PUDP: variants seen among roughly 807,000 people sequenced by gnomAD.
PUDP encodes the protein pseudouridine-5'-phosphatase.
In PUDP, 8 loss-of-function variants were observed where a neutral mutation model predicts 9.4. That is an observed-to-expected ratio of 0.85 (90% confidence interval 0.50 to 1.53). PUDP has a LOEUF of 1.53. Among genes scored for constraint, PUDP ranks in the 40% most tolerant of loss-of-function variants. PUDP has a pLI of 0.00. For synonymous variants in PUDP, 99 were observed against 80.7 expected, an observed-to-expected ratio of 1.23 and a Z score of -1.22; for missense variants, 188 against 189.7, an observed-to-expected ratio of 0.99 and a Z score of 0.05.
intron 3 of PUDP, among the ~76,000 whole-genome samples, chrX:7,062,831 C>T (rs756622847): frequency 9.1e-6 from 1 of 109,859 alleles, no homozygotes; most frequent in East Asian, 2.8e-4. Flanking sequence ...CAGTGCCCCC[C>T]TACCCTAGCA....
intron 1 of PUDP, among the ~76,000 whole-genome samples, chrX:7,037,061 G>C (rs1335527490): frequency 5.4e-5 from 6 of 111,228 alleles, no homozygotes; most frequent in Non-Finnish European, 1.1e-4. Context: ...CATTTTAAAG[G>C]CCCCCGGCTG....
At chrX:6,804,584 A>G (rs1406995130) in intron 3 of PUDP, among the ~76,000 whole-genome samples, 1 of 111,647 alleles carries the variant, frequency 9.0e-6, no homozygotes, top group East Asian at 2.8e-4. Flanking sequence ...GGTGCCGTGT[A>G]GAGGGGATTG....
At chrX:6,820,153 C>A (rs1055197739) in intron 3 of PUDP, among the ~76,000 whole-genome samples, 4 of 109,603 alleles carry the variant, frequency 3.6e-5, no homozygotes, top group South Asian at 4.0e-4. Context: ...AAGTAGAAAC[C>A]CCTGATAAAC....
At chrX:7,062,616 G>A (rs1325535625) in intron 3 of PUDP, among the ~76,000 whole-genome samples, 1 of 110,185 alleles carries the variant, frequency 9.1e-6, no homozygotes, top group Non-Finnish European at 1.9e-5. Flanking sequence ...CAGAAGACAA[G>A]GCCCCAAAAG....
intron 3 of PUDP, among the ~76,000 whole-genome samples, chrX:7,072,126 G>A (rs1199642539): frequency 6.3e-5 from 7 of 111,574 alleles, no homozygotes; most frequent in African/African-American, 2.3e-4. Context: ...TAATAGTTTG[G>A]GCTATGAGTA....
chrX:6,729,015 G>C (rs1263405947), intron 3 of PUDP, among the ~76,000 whole-genome samples: 1 of 111,529 alleles, frequency 9.0e-6, no homozygotes, highest in African/African-American at 3.3e-5. Context: ...CTCATGATTA[G>C]ACTAAGGTTA....
chrX:6,725,556 C>T (rs975344115), upstream of PUDP, among the ~76,000 whole-genome samples: 1 of 111,684 alleles, frequency 9.0e-6, no homozygotes, highest in East Asian at 2.8e-4. Flanking sequence ...TTTCTTTCTC[C>T]GATCATCCAC....
chrX:6,887,143 T>G (rs1927438202), intron 3 of PUDP, among the ~76,000 whole-genome samples: 1 of 73,839 alleles, frequency 1.4e-5, no homozygotes, highest in Non-Finnish European at 3.2e-5. Flanking sequence ...TTGATTTAAT[T>G]TAATTATTTA....
At chrX:7,095,632 A>G (rs1219029702) in intron 2 of PUDP, among the ~76,000 whole-genome samples, 1 of 112,353 alleles carries the variant, frequency 8.9e-6, no homozygotes, top group Non-Finnish European at 1.9e-5. Flanking sequence ...GTGGAGACAC[A>G]GTTTGTGCCA....
chrX:6,784,770 T>C (rs1342755695), intron 3 of PUDP, among the ~76,000 whole-genome samples: 1 of 112,119 alleles, frequency 8.9e-6, no homozygotes, highest in Non-Finnish European at 1.9e-5. Context: ...AACACTGTTT[T>C]TGTCAGATCA....
At chrX:6,854,307 C>G (rs1054390263) in intron 3 of PUDP, among the ~76,000 whole-genome samples, 1 of 111,451 alleles carries the variant, frequency 9.0e-6, no homozygotes, top group Non-Finnish European at 1.9e-5. Context: ...TTCCAACTTT[C>G]AAAACATTCA....
chrX:7,121,448 C>A (rs1004104399), intron 1 of PUDP, among the ~76,000 whole-genome samples: 1 of 111,853 alleles, frequency 8.9e-6, no homozygotes, highest in African/African-American at 3.3e-5. Flanking sequence ...CAAAGTATGG[C>A]GCCATTCCTT....
At chrX:6,897,429 T>C (rs1927608383) in intron 3 of PUDP, among the ~76,000 whole-genome samples, 1 of 111,404 alleles carries the variant, frequency 9.0e-6, no homozygotes. Flanking sequence ...CTTGCAGCCA[T>C]GGTCACAGGA....
At chrX:7,030,520 C>G (rs1330435490) in intron 1 of PUDP, among the ~76,000 whole-genome samples, 1 of 111,670 alleles carries the variant, frequency 9.0e-6, no homozygotes, top group East Asian at 2.8e-4. Context: ...CAGACCTGCA[C>G]AGCCCCTGCT....
intron 3 of PUDP, among the ~76,000 whole-genome samples, chrX:6,854,961 T>A (rs989843132): frequency 2.7e-5 from 3 of 112,127 alleles, no homozygotes; most frequent in Non-Finnish European, 5.6e-5. Context: ...TTTGCAAAAG[T>A]AAAATTGACA....
chrX:6,997,653 T>C (rs760218277), intron 1 of PUDP, among the ~76,000 whole-genome samples: 2 of 112,112 alleles, frequency 1.8e-5, no homozygotes, highest in Non-Finnish European at 3.8e-5. Flanking sequence ...TTTCAAAGAT[T>C]AGAAGAACAT....
intron 1 of PUDP, among the ~76,000 whole-genome samples, chrX:7,145,094 A>G (rs1200442155): frequency 8.9e-6 from 1 of 112,014 alleles, no homozygotes; most frequent in East Asian, 2.8e-4. Context: ...GCTAGTTCAA[A>G]CTAAGATGTG....
At chrX:6,706,813 A>G (rs1314776259) in intron 1 of PUDP, among the ~76,000 whole-genome samples, 1 of 111,534 alleles carries the variant, frequency 9.0e-6, no homozygotes, top group Admixed American at 9.5e-5. Flanking sequence ...AATCTAATAA[A>G]CACACCTTAC....
chrX:6,722,183 C>T (rs550146890), upstream of PUDP, among the ~76,000 whole-genome samples: 17 of 110,962 alleles, frequency 1.5e-4, no homozygotes, highest in South Asian at 1.9e-3. Context: ...TGGTGGCTCA[C>T]GCCTGTAATT....
Sources: allele counts gnomAD v4.1 joint callset (sites outside exome capture counted in the v4.1 genomes callset), GRCh38; gene constraint gnomAD v4.1.1; transcripts MANE v1.5; gene names NCBI Gene and HGNC (gene_info 2026-07-23, HGNC 2026-07-21).